Variants in CD101 observed in about 807,000 individuals in gnomAD.
CD101 encodes the protein immunoglobulin superfamily member 2.
In CD101, 76 loss-of-function variants were observed where a neutral mutation model predicts 98.2. The ratio of observed to expected loss-of-function variants is 0.77; its 90% CI spans 0.64 to 0.94. The LOEUF (loss-of-function observed/expected upper bound fraction) is 0.94. CD101 is among the 40% of genes least tolerant of loss of function. The pLI is 0.00. For missense variants in CD101, 1,145 were observed against 1,218.8 expected, an observed-to-expected ratio of 0.94 and a Z score of 0.90; for synonymous variants, 471 against 472.7, an observed-to-expected ratio of 1.00 and a Z score of 0.05.
At chr1:117,003,895 A>C (rs552198469) in intron 1 of CD101, among the ~76,000 whole-genome samples, 1 of 152,376 alleles carries the variant, frequency 6.6e-6, no homozygotes, top group Admixed American at 6.5e-5. Context: ...TTGTCCTTAC[A>C]AATATAGAGG....
At chr1:117,027,860 G>A (rs1025234274) in intron 8 of CD101, among the ~76,000 whole-genome samples, 9 of 152,070 alleles carry the variant, frequency 5.9e-5, no homozygotes, top group Non-Finnish European at 1.0e-4. Flanking sequence ...AAGGCGGGCG[G>A]GTCACCTGAC....
chr1:117,019,314 A>G lies in CD101; in HGVS notation c.2017+754A>G, dbSNP rs989961712. Among the ~76,000 whole-genome samples the G allele has an allele frequency of 1.3e-5, 2 of 152,230 alleles. No individual in the cohort carries two copies. Among genetic ancestry groups the G allele is most frequent in the African/African-American group, 4.8e-5 (2 of 41,456 alleles). The stretch of plus-strand genomic sequence containing the variant: ...GTGCAATTTAAATATGGTGACATAT[A>G]TAACATGCCGAGTACCTGACACACC... On this transcript the variant is annotated intron_variant, in intron 6 of 9. Coordinates refer to ENST00000682167, the MANE Select transcript of CD101 (RefSeq NM_001256106.3). The surrounding 1 kb of genome is among the most constrained non-coding windows in gnomAD (Gnocchi z 4.3).
intron 4 of CD101, among the ~76,000 whole-genome samples, chr1:117,014,237 T>C (rs1041463603): frequency 2.0e-5 from 3 of 147,238 alleles, no homozygotes; most frequent in Admixed American, 6.8e-5. Context: ...GTGATATGAA[T>C]AGGTTAAGAG....
At position 117,009,839 on chromosome 1, in the gene CD101, C is replaced by T. The variant is rs1393091845; in HGVS notation, c.44-11C>T. ...CTCTTTTTATTCCCCTTTCTTTCTC[C>T]TACTTACAAGCTAAGCTCAGCATTG... On this transcript the variant is annotated splice_polypyrimidine_tract_variant and intron_variant, in intron 1 of 9. Transcript: ENST00000682167. The T allele has an allele frequency of 1.3e-6, 2 of 1,580,236 alleles. No individual in the cohort carries two copies. Among genetic ancestry groups the T allele is most frequent in the Non-Finnish European group, 1.7e-6 (2 of 1,157,678 alleles).
rs1444848750 is a variant in CD101 at position 117,022,405 on chromosome 1, GA to G, written c.2428+425del. Among the ~76,000 whole-genome samples, 2 of 152,224 alleles carry G rather than the reference GA, an allele frequency of 1.3e-5. No individual in the cohort carries two copies. The highest frequency in any genetic ancestry group is 2.9e-5 in the Non-Finnish European group (2 of 68,044). On this transcript the variant is annotated intron_variant, in intron 7 of 9. Transcript: ENST00000682167. This position sits in a 1 kb window ranked among gnomAD's most constrained non-coding sequence, Gnocchi z 4.8. ...GTACAACTCTATGGGGATGTGTGGAGAAATTGCTTCTCAACATTTAGCTGCC... is the reference window on the plus strand; with the variant it reads ...GTACAACTCTATGGGGATGTGTGGAGAATTGCTTCTCAACATTTAGCTGCC...
chr1:117,018,010 G>T lies in CD101; in HGVS notation c.1613-146G>T. ...CACAGTTCAGGACAGACTGTACTGG[G>T]AATCAATTTCTACTCTATAAAATAG... On this transcript the variant is annotated intron_variant, in intron 5 of 9. Coordinates refer to ENST00000682167, the MANE Select transcript of CD101 (RefSeq NM_001256106.3). The surrounding 1 kb of genome is among the most constrained non-coding windows in gnomAD (Gnocchi z 4.3). The T allele has an allele frequency of 2.5e-6, 2 of 791,028 alleles. No homozygotes were observed. Among genetic ancestry groups the T allele is most frequent in the South Asian group, 2.0e-5 (1 of 50,304 alleles). 49.0% of individuals were successfully genotyped at this position (791,028 alleles called of 1,614,324 possible).
intron 9 of CD101, among the ~76,000 whole-genome samples, chr1:117,035,116 C>A (rs34147105): frequency 0.058 from 8,868 of 152,212 alleles, 315 homozygotes; most frequent in East Asian, 0.12. Context: ...TGGCTTAAAG[C>A]TTTCAACAGC....
At chr1:117,027,173 C>T (rs1469520985) in intron 8 of CD101, among the ~76,000 whole-genome samples, 1 of 152,178 alleles carries the variant, frequency 6.6e-6, no homozygotes, top group Non-Finnish European at 1.5e-5. Flanking sequence ...TCTCCTTTTC[C>T]CCTTATGCCT....
At chr1:117,015,597 C>T (rs1244446511) in intron 4 of CD101, among the ~76,000 whole-genome samples, 1 of 152,214 alleles carries the variant, frequency 6.6e-6, no homozygotes, top group Non-Finnish European at 1.5e-5. Flanking sequence ...CAGGGAAGAA[C>T]AATTTGCAAA....
chr1:117,009,861 A>C lies in CD101; in HGVS notation c.55A>C (p.Ile19Leu), dbSNP rs1167595159. 1 of 1,600,468 alleles carries C rather than the reference A, an allele frequency of 6.2e-7. No homozygotes were observed. The highest frequency in any genetic ancestry group is 1.7e-5 in the Admixed American group (1 of 59,736). The change falls in exon 2 of 10, where the codon ATT becomes CTT. Residue 19 changes from isoleucine to leucine, a missense_variant. Coordinates refer to ENST00000682167, the MANE Select transcript of CD101 (RefSeq NM_001256106.3). ...SFFLLLTKLS[I>L]GQREVTVQKG... ...CTCCTACTTACAAGCTAAGCTCAGC[A>C]TTGGCCAGAGAGAAGTAACAGTTCA...
At chr1:117,014,293 G>A (rs1344825366) in intron 4 of CD101, among the ~76,000 whole-genome samples, 5 of 151,444 alleles carry the variant, frequency 3.3e-5, no homozygotes, top group Non-Finnish European at 7.4e-5. Flanking sequence ...GAACACCCGT[G>A]TTATCCTACC....
chr1:117,010,198 A>G lies in CD101; in HGVS notation c.392A>G (p.Tyr131Cys), dbSNP rs141072919. 2.5e-6 allele frequency: 4 copies of G among 1,613,978 alleles called. No individual in the cohort carries two copies. The highest frequency in any genetic ancestry group is 1.3e-5 in the African/African-American group (1 of 75,042). The change falls in exon 2 of 10, where the codon TAT becomes TGT. Residue 131 changes from tyrosine to cysteine, a missense_variant. Tyr to Cys is a radical substitution (Grantham distance 194, BLOSUM62 -2). Coordinates refer to ENST00000682167, the MANE Select transcript of CD101 (RefSeq NM_001256106.3). The surrounding 1 kb of genome is among the most constrained non-coding windows in gnomAD (Gnocchi z 5.2). ...CHTPNTDEKY[Y>C]GSYSAKTNLI... ...ACACCAAACACTGATGAGAAATACT[A>G]TGGAAGTTACAGTGCAAAGACTAAT...
rs753237157 is a variant in CD101, at chr1:117,005,182, G to A, written c.43+3322G>A. ...ACACAGACGTTGAGACTATAACACAGCACCCTCCCTGTCATCCCTCTACTA... is the reference window on the plus strand; with the variant it reads ...ACACAGACGTTGAGACTATAACACAACACCCTCCCTGTCATCCCTCTACTA... On this transcript the variant is annotated intron_variant, in intron 1 of 9. Transcript: ENST00000682167. This position sits in a 1 kb window ranked among gnomAD's most constrained non-coding sequence, Gnocchi z 4.4. Among the ~76,000 whole-genome samples, 1 of 152,032 alleles carries A rather than the reference G, an allele frequency of 6.6e-6. No individual in the cohort carries two copies. Among genetic ancestry groups the A allele is most frequent in the Non-Finnish European group, 1.5e-5 (1 of 68,000 alleles).
intron 6 of CD101, among the ~76,000 whole-genome samples, chr1:117,020,785 C>G (rs1653531227): frequency 6.6e-6 from 1 of 152,122 alleles, no homozygotes; most frequent in African/African-American, 2.4e-5. Context: ...TTGTCTGGCA[C>G]ATAATATAGT....
chr1:117,009,780 C>G, intron 1 of CD101, 70 bp from the exon 2 acceptor site: 1 of 1,468,184 alleles, frequency 6.8e-7, no homozygotes, highest in Non-Finnish European at 9.2e-7. Flanking sequence ...CAGGGAAATA[C>G]ATAACGTGGT....
rs534054019 is a variant in CD101, at chr1:117,033,749, C to T, written c.2825-111C>T. The T allele has an allele frequency of 9.7e-6, 14 of 1,445,884 alleles. No individual in the cohort carries two copies. In the East Asian group the frequency reaches 3.0e-4, roughly 31 times the overall value. The allele number at this position is 1,445,884 out of a possible 1,614,324, so 89.6% of individuals were successfully genotyped here. A position where few individuals can be genotyped will look rare whatever the true frequency, so the allele number is the denominator to read the frequency against. ...TCAGGGGCCCACTGCTATTTGGCCC[C>T]ATTATTTTTACATATACTTGCCTAT... On this transcript the variant is annotated intron_variant, in intron 8 of 9. Transcript: ENST00000682167. The surrounding 1 kb of genome is among the most constrained non-coding windows in gnomAD (Gnocchi z 4.8).
In CD101 at chr1:117,018,232, C is replaced by T. The variant is rs902896509; in HGVS notation, c.1689C>T (p.Val563=). ...CCAACACCTTTGACCTGTCCTGTGTCGTGAGGGCCGGTTACTCTGACCTCA... is the reference window on the plus strand; with the variant it reads ...CCAACACCTTTGACCTGTCCTGTGTTGTGAGGGCCGGTTACTCTGACCTCA... ...MLTNTFDLSC[V]VRAGYSDLKV... The change falls in exon 6 of 10, where the codon GTC becomes GTT. Residue 563 remains valine (V), a synonymous_variant. Coordinates refer to ENST00000682167, the MANE Select transcript of CD101 (RefSeq NM_001256106.3). This position sits in a 1 kb window ranked among gnomAD's most constrained non-coding sequence, Gnocchi z 4.3. 4.3e-6 allele frequency: 7 copies of T among 1,614,018 alleles called. No individual in the cohort carries two copies. The highest frequency in any genetic ancestry group is 3.3e-5 in the Admixed American group (2 of 59,994).
Position 117,012,077 on chromosome 1 carries a change from A to G in CD101, c.841+111A>G, listed in dbSNP as rs779350002. The G allele has an allele frequency of 1.2e-5, 12 of 1,011,500 alleles. No homozygotes were observed. Among genetic ancestry groups the G allele is most frequent in the Non-Finnish European group, 1.7e-5 (12 of 696,966 alleles). The allele number at this position is 1,011,500 out of a possible 1,614,324, so 62.7% of individuals were successfully genotyped here. The stretch of plus-strand genomic sequence containing the variant: ...TTTTGTTGGCTCTAAAAAATTGGCT[A>G]GAAAGTTTGATTTAATTTTGTATTT... On this transcript the variant is annotated intron_variant, in intron 3 of 9. Coordinates refer to ENST00000682167, the MANE Select transcript of CD101 (RefSeq NM_001256106.3). The surrounding 1 kb of genome is among the most constrained non-coding windows in gnomAD (Gnocchi z 4.0).
At position 117,021,053 on chromosome 1, in the gene CD101, T is replaced by G. The variant is rs1406840755; in HGVS notation, c.2018-520T>G. On this transcript the variant is annotated intron_variant, in intron 6 of 9. Transcript: ENST00000682167. The surrounding 1 kb of genome is among the most constrained non-coding windows in gnomAD (Gnocchi z 4.7). ...TTTTAATCACTCATGTACAACTTCC[T>G]TTTGTTTACCCACGTTTGAAGGCAG... is the stretch of plus-strand genomic sequence containing the variant. Among the ~76,000 whole-genome samples, 3 of 152,230 alleles carry G rather than the reference T, an allele frequency of 2.0e-5. No individual in the cohort carries two copies. The highest frequency in any genetic ancestry group is 4.4e-5 in the Non-Finnish European group (3 of 68,042).
Sources: allele counts gnomAD v4.1 joint callset (sites outside exome capture counted in the v4.1 genomes callset), GRCh38; gene constraint gnomAD v4.1.1; non-coding constraint Gnocchi (gnomAD v3.1); transcripts MANE v1.5; gene names NCBI Gene and HGNC (gene_info 2026-07-23, HGNC 2026-07-21).